Variants in EVC observed in about 807,000 individuals in gnomAD.
The protein encoded by EVC is evC complex member EVC.
In EVC, 116 loss-of-function variants were observed where a neutral mutation model predicts 118.9. The observed-to-expected ratio is 0.98, with a 90% CI of 0.84 to 1.14. The LOEUF (loss-of-function observed/expected upper bound fraction) is 1.14. EVC is among the 50% of genes most tolerant of loss of function. The pLI, the probability that EVC is intolerant of heterozygous loss-of-function variation, is 0.00. For missense variants in EVC, 1,401 were observed against 1,246.4 expected, an observed-to-expected ratio of 1.12 and a Z score of -1.87; for synonymous variants, 619 against 534.7, an observed-to-expected ratio of 1.16 and a Z score of -2.18.
rs1419820927 is a variant in EVC, at chr4:5,779,471, G to A, written c.1564-4081G>A. On this transcript the variant is annotated intron_variant, in intron 11 of 20. Transcript: ENST00000264956. ...CACGATATTGATTCTTCCTACCCAT[G>A]AGCATGGAATGTTATTCCATTTGTT... Among the ~76,000 whole-genome samples the A allele has an allele frequency of 4.0e-5, 6 of 150,294 alleles. No individual in the cohort carries two copies. The East Asian group carries it at 7.7e-4, about 19-fold the overall frequency.
At chr4:5,819,443 A>G in the EVC span, among the ~76,000 whole-genome samples, 4 of 152,198 alleles carry the variant, frequency 2.6e-5, no homozygotes, top group Non-Finnish European at 5.9e-5. Flanking sequence ...GTCTCCAAGA[A>G]CTAAGGATTA....
At chr4:5,787,245 C>T (rs1711837429) in intron 12 of EVC, among the ~76,000 whole-genome samples, 1 of 152,240 alleles carries the variant, frequency 6.6e-6, no homozygotes, top group Admixed American at 6.5e-5. Context: ...ATAATGGCCC[C>T]CCAGAGAGGC....
intron 2 of EVC, among the ~76,000 whole-genome samples, chr4:5,728,511 G>A (rs563100157): frequency 2.5e-4 from 38 of 152,010 alleles, no homozygotes; most frequent in African/African-American, 7.0e-4. Context: ...CAATCATGTC[G>A]TCTGCAAACA....
chr4:5,806,473 T>C (rs74846994), intron 17 of EVC, among the ~76,000 whole-genome samples: 1 of 152,208 alleles, frequency 6.6e-6, no homozygotes, highest in Admixed American at 6.5e-5. Flanking sequence ...GTTGTTTCAC[T>C]TAAGAAAATG....
intron 5 of EVC, among the ~76,000 whole-genome samples, chr4:5,733,984 G>A (rs1205946169): frequency 6.6e-6 from 1 of 152,076 alleles, no homozygotes; most frequent in Non-Finnish European, 1.5e-5. Context: ...CTTTTCATGG[G>A]GCCACGTGTT....
chr4:5,713,676 CAAAA>C (rs35032068), intron 1 of EVC, among the ~76,000 whole-genome samples: 47 of 71,726 alleles, frequency 6.6e-4, no homozygotes, highest in African/African-American at 2.7e-3. Flanking sequence ...GGCTCCGTCT[CAAAA>C]AAAAAAAAAA....
chr4:5,732,458 G>C (rs191371961), intron 4 of EVC, among the ~76,000 whole-genome samples: 4 of 152,364 alleles, frequency 2.6e-5, no homozygotes, highest in Admixed American at 2.6e-4. Context: ...GGCTTAGAAC[G>C]GCTTGCTTTC....
chr4:5,778,691 G>GT (rs1735106961), intron 11 of EVC, among the ~76,000 whole-genome samples: 1 of 152,040 alleles, frequency 6.6e-6, no homozygotes, highest in Admixed American at 6.5e-5. Context: ...GGGGTTGTTT[G>GT]TTTTTTTCTT....
intron 15 of EVC, among the ~76,000 whole-genome samples, chr4:5,800,872 G>A (rs1040279121): frequency 6.6e-6 from 1 of 152,170 alleles, no homozygotes; most frequent in East Asian, 1.9e-4. Context: ...CCACACCTGT[G>A]TGCTCAGGTA....
chr4:5,795,361 G>T (rs749034286), intron 13 of EVC, among the ~76,000 whole-genome samples: 3 of 152,154 alleles, frequency 2.0e-5, no homozygotes, highest in African/African-American at 4.8e-5. Context: ...AACATCAGAA[G>T]AGGATGGAGG....
At chr4:5,801,733 C>T in intron 15 of EVC, 1 of 537,340 alleles carries the variant, frequency 1.9e-6, no homozygotes, top group Non-Finnish European at 3.3e-6. Flanking sequence ...CCTAACATCG[C>T]ATTTCATTGG....
chr4:5,823,386 C>T, the EVC span, among the ~76,000 whole-genome samples: 2 of 152,208 alleles, frequency 1.3e-5, no homozygotes, highest in Non-Finnish European at 2.9e-5. Flanking sequence ...GTAACTTTTT[C>T]CTTACAACCA....
intron 11 of EVC, among the ~76,000 whole-genome samples, chr4:5,761,749 C>G (rs949109721): frequency 6.6e-6 from 1 of 151,660 alleles, no homozygotes; most frequent in Non-Finnish European, 1.5e-5. Flanking sequence ...GGGAAGAAAG[C>G]CTTATGGTGG....
At position 5,778,525 on chromosome 4, in the gene EVC, G is replaced by A. The variant is rs566703014; in HGVS notation, c.1564-5027G>A. On this transcript the variant is annotated intron_variant, in intron 11 of 20. Transcript: ENST00000264956. Reference sequence around the variant, plus strand: ...GTTGTTTCCTGACTTTTTAATGATTGCCATTCTAACTGGTGTGAGATGATA... The same window carrying A: ...GTTGTTTCCTGACTTTTTAATGATTACCATTCTAACTGGTGTGAGATGATA... 1.1e-4 allele frequency among the ~76,000 whole-genome samples: 17 copies of A among 152,104 alleles called. 1 individual carries two copies. The East Asian group carries it at 1.2e-3, about 10-fold the overall frequency.
chr4:5,799,263 C>T (rs750374009), intron 15 of EVC, among the ~76,000 whole-genome samples: 1 of 152,196 alleles, frequency 6.6e-6, no homozygotes, highest in Non-Finnish European at 1.5e-5. Context: ...CTTGAGTAGA[C>T]AGTGGTTTAA....
At chr4:5,817,023 G>A (rs1232872812), downstream of EVC, among the ~76,000 whole-genome samples, 1 of 152,232 alleles carries the variant, frequency 6.6e-6, no homozygotes, top group Non-Finnish European at 1.5e-5. Flanking sequence ...GGCAGGGCAG[G>A]TTGGGAGAAG....
In EVC at chr4:5,766,268, G is replaced by A. The variant is rs994380248; in HGVS notation, c.1563+9906G>A. Reference sequence around the variant, plus strand: ...CTGGCTTGTAGAGTTTCTGCCTAGCGATCAGCTGTTAGTCTGATGGGCTTC... The same window carrying A: ...CTGGCTTGTAGAGTTTCTGCCTAGCAATCAGCTGTTAGTCTGATGGGCTTC... On this transcript the variant is annotated intron_variant, in intron 11 of 20. Transcript: ENST00000264956. Among the ~76,000 whole-genome samples, 55 of 151,600 alleles carry A rather than the reference G, an allele frequency of 3.6e-4. 2 individuals carry two copies. The highest frequency in any genetic ancestry group is 1.1e-3 in the African/African-American group (47 of 40,960).
chr4:5,774,203 TTCCCTCCC>T (rs1427482811), intron 11 of EVC, among the ~76,000 whole-genome samples: 5 of 151,430 alleles, frequency 3.3e-5, no homozygotes, highest in African/African-American at 1.2e-4. Context: ...CTCTCCTTCC[TTCCCTCCC>T]TCCCATCTCT....
At chr4:5,732,881 A>C (rs1372688240) in intron 4 of EVC, among the ~76,000 whole-genome samples, 1 of 152,072 alleles carries the variant, frequency 6.6e-6, no homozygotes, top group Non-Finnish European at 1.5e-5. Context: ...ATGGTGGTGC[A>C]TGCCTGTAGT....
Sources: gnomAD v4.1 joint callset for allele counts (sites outside exome capture counted in the v4.1 genomes callset) on GRCh38, gnomAD v4.1.1 for gene constraint, MANE v1.5 for transcripts, NCBI Gene and HGNC (gene_info 2026-07-23, HGNC 2026-07-21) for gene names.